DBT: variants seen among roughly 807,000 people sequenced by gnomAD.
The protein encoded by DBT is dihydrolipoamide branched chain transacylase E2.
DBT carries 40 observed loss-of-function variants against 51.3 expected under a neutral mutation model. That is an observed-to-expected ratio of 0.78 (90% CI 0.61 to 1.02). The LOEUF is 1.02. DBT is among the 50% of genes least tolerant of loss of function. The probability of loss-of-function intolerance (pLI) is 0.00; values close to 1 mark genes in which losing one functional copy is unlikely to be tolerated. For synonymous variants in DBT, 181 were observed against 190.4 expected, an observed-to-expected ratio of 0.95 and a Z score of 0.41; for missense variants, 510 against 580.2, an observed-to-expected ratio of 0.88 and a Z score of 1.24.
chr1:100,230,463 A>G (rs1268750037), intron 4 of DBT, among the ~76,000 whole-genome samples: 1 of 152,114 alleles, frequency 6.6e-6, no homozygotes, highest in African/African-American at 2.4e-5. Context: ...GACATCCTCC[A>G]TCTTTTTTGC....
chr1:100,221,843 T>C (rs553629915), intron 4 of DBT, among the ~76,000 whole-genome samples: 52 of 152,128 alleles, frequency 3.4e-4, no homozygotes, highest in Non-Finnish European at 6.5e-4. Flanking sequence ...ATAATATGAA[T>C]TGATAAAACT....
intron 10 of DBT, among the ~76,000 whole-genome samples, chr1:100,201,280 G>A (rs1010247465): frequency 3.3e-5 from 5 of 151,864 alleles, no homozygotes; most frequent in Non-Finnish European, 5.9e-5. Context: ...TAGCTGAATC[G>A]ATCAAGCGGA....
intron 4 of DBT, among the ~76,000 whole-genome samples, chr1:100,226,728 G>C (rs1050767012): frequency 1.3e-5 from 2 of 152,156 alleles, no homozygotes; most frequent in African/African-American, 4.8e-5. Context: ...TATGGGGTGG[G>C]AAAAGTATGA....
chr1:100,215,340 C>A (rs967749199), intron 6 of DBT, among the ~76,000 whole-genome samples: 3 of 152,184 alleles, frequency 2.0e-5, no homozygotes, highest in Non-Finnish European at 4.4e-5. Flanking sequence ...AATAACAAAT[C>A]AGAACTAGTT....
intron 4 of DBT, 125 bp downstream of exon 4, chr1:100,230,608 A>G: frequency 3.4e-6 from 2 of 594,614 alleles, no homozygotes; most frequent in Non-Finnish European, 2.9e-6. Context: ...TTTCCTCAAG[A>G]GCTAAAAATA....
chr1:100,226,941 G>A (rs1454327553), intron 4 of DBT, among the ~76,000 whole-genome samples: 3 of 152,186 alleles, frequency 2.0e-5, no homozygotes, highest in Admixed American at 6.5e-5. Flanking sequence ...ATGGGAGTAT[G>A]TTCTGAGAAA....
rs1404583340 is a variant in DBT at position 100,193,219 on chromosome 1, ATACT to A, written c.*3032_*3035del. The A allele has an allele frequency of 2.6e-5, 4 of 152,348 alleles. No homozygotes were observed. In the East Asian group the frequency reaches 7.7e-4, roughly 29 times the overall value. The allele number at this position is 152,348 out of a possible 1,614,324, so 9.4% of individuals were successfully genotyped here. Reference sequence around the variant, plus strand: ...CTTGAGCCATTGATGCTGGACCTACATACTTACTTATTTCAGAACTCCCTTCTCC... The same window carrying A: ...CTTGAGCCATTGATGCTGGACCTACATACTTATTTCAGAACTCCCTTCTCC... On this transcript the variant is annotated 3_prime_UTR_variant, in exon 11 of 11. Transcript: ENST00000370132.
chr1:100,200,593 C>T (rs887637457), intron 10 of DBT, among the ~76,000 whole-genome samples: 1 of 152,188 alleles, frequency 6.6e-6, no homozygotes, highest in Non-Finnish European at 1.5e-5. Flanking sequence ...GGTCTCTGAC[C>T]CCCATGCCTC....
intron 4 of DBT, among the ~76,000 whole-genome samples, chr1:100,229,119 T>C (rs867743740): frequency 6.6e-6 from 1 of 152,230 alleles, no homozygotes; most frequent in Non-Finnish European, 1.5e-5. Context: ...ATCTAAGTTC[T>C]AACTTTGGTC....
chr1:100,234,127 C>T (rs1193292410), intron 3 of DBT, among the ~76,000 whole-genome samples: 2 of 151,896 alleles, frequency 1.3e-5, no homozygotes, highest in East Asian at 3.9e-4. Context: ...TTACTTTTTA[C>T]AATATGAAGT....
At position 100,194,854 on chromosome 1, in the gene DBT, T is replaced by C. The variant is rs1343976343; in HGVS notation, c.*1401A>G. The C allele has an allele frequency of 1.3e-5, 2 of 152,338 alleles. No individual in the cohort carries two copies. The highest frequency in any genetic ancestry group is 3.9e-4 in the East Asian group (2 of 5,192). The allele number at this position is 152,338 out of a possible 1,614,324, so 9.4% of individuals were successfully genotyped here. A position where few individuals can be genotyped will look rare whatever the true frequency, so the allele number is the denominator to read the frequency against. On this transcript the variant is annotated 3_prime_UTR_variant, in exon 11 of 11. Transcript: ENST00000370132. ...GTAGATATTAAAACAACCTTTTTTC[T>C]GTCACAAAACTTCACTTAAACAACT... is the stretch of plus-strand genomic sequence containing the variant.
intron 7 of DBT, 119 bp from the exon 8 acceptor site, chr1:100,210,890 A>G: frequency 6.4e-7 from 1 of 1,555,608 alleles, no homozygotes; most frequent in East Asian, 2.3e-5. Flanking sequence ...GCTGAGTTTA[A>G]TTTCAAGTCT....
intron 8 of DBT, among the ~76,000 whole-genome samples, chr1:100,209,095 T>C (rs1661976729): frequency 1.4e-5 from 1 of 68,978 alleles, no homozygotes; most frequent in Non-Finnish European, 3.0e-5. Flanking sequence ...TTTCTTTTCT[T>C]TTCTTTTTTT....
Position 100,247,529 on chromosome 1 carries a change from T to C in DBT, c.51+2241A>G, listed in dbSNP as rs574468353. On this transcript the variant is annotated intron_variant, in intron 1 of 10. Transcript: ENST00000370132. ...GCCTGGCCAACATGGCAAAACCCCG[T>C]CTCTACTAAAAATACAAAAATTAGC... Among the ~76,000 whole-genome samples the C allele has an allele frequency of 9.1e-4, 137 of 151,220 alleles. 2 individuals carry two copies. The South Asian group carries it at 0.028, about 31-fold the overall frequency.
In DBT at chr1:100,242,903, TCATGGGTCGGGG is replaced by T. The variant is rs142081646; in HGVS notation, c.52-2031_52-2020del. ...AACAACACAACTCGTATTGAACTAT[TCATGGGTCGGGG>T]CAGCATAAACCACCACGCTTAACAT... On this transcript the variant is annotated intron_variant, in intron 1 of 10. Coordinates refer to ENST00000370132, the MANE Select transcript of DBT (RefSeq NM_001918.5). Among the ~76,000 whole-genome samples, 4,814 of 152,256 alleles carry T rather than the reference TCATGGGTCGGGG, an allele frequency of 0.032. 440 individuals carry two copies. The East Asian group carries it at 0.35, about 11-fold the overall frequency.
intron 6 of DBT, among the ~76,000 whole-genome samples, chr1:100,215,479 T>C (rs1187201172): frequency 1.3e-5 from 2 of 152,234 alleles, no homozygotes; most frequent in Non-Finnish European, 2.9e-5. Context: ...AAGATAATGA[T>C]ACACATAAAT....
intron 2 of DBT, among the ~76,000 whole-genome samples, chr1:100,239,354 A>C (rs898294823): frequency 4.6e-5 from 7 of 152,216 alleles, no homozygotes; most frequent in African/African-American, 1.7e-4. Flanking sequence ...TGAAGTATTT[A>C]CTTGAATGAC....
At chr1:100,215,031 T>C in intron 6 of DBT, 48 bp from the exon 7 acceptor site, 1 of 1,287,836 alleles carries the variant, frequency 7.8e-7, no homozygotes, top group Non-Finnish European at 1.1e-6. Flanking sequence ...CTCAAATCTC[T>C]TCATCCTTTT....
chr1:100,217,620 C>T (rs1472709457), intron 5 of DBT, among the ~76,000 whole-genome samples: 1 of 152,076 alleles, frequency 6.6e-6, no homozygotes, highest in Non-Finnish European at 1.5e-5. Flanking sequence ...TTATTTTTTT[C>T]CCACAGCAAC....
Sources: allele counts gnomAD v4.1 joint callset (sites outside exome capture counted in the v4.1 genomes callset), GRCh38; gene constraint gnomAD v4.1.1; transcripts MANE v1.5; gene names NCBI Gene and HGNC (gene_info 2026-07-23, HGNC 2026-07-21).